DENND4A: variants seen among roughly 807,000 people sequenced by gnomAD.
DENND4A encodes C-myc promoter-binding protein.
In DENND4A, 70 loss-of-function variants were observed where a neutral mutation model predicts 199.3. The observed-to-expected ratio is 0.35, with a 90% CI of 0.29 to 0.43. The LOEUF is 0.43. Ranked by LOEUF, DENND4A falls within the 20% of genes least tolerant of loss-of-function variation. The pLI is 1.00. For missense variants in DENND4A, 1,723 were observed against 2,255.8 expected (o/e 0.76, Z 4.78); for synonymous variants, 686 against 766.9 (o/e 0.89, Z 1.74).
At chr15:65,790,227 C>A (rs910422470) in intron 1 of DENND4A, among the ~76,000 whole-genome samples, 1 of 152,140 alleles carries the variant, frequency 6.6e-6, no homozygotes. Context: ...ACTCTTTAAA[C>A]CAGTGGTAAT....
intron 1 of DENND4A, among the ~76,000 whole-genome samples, chr15:65,782,638 A>G (rs1389458529): frequency 1.3e-5 from 2 of 152,132 alleles, no homozygotes; most frequent in African/African-American, 4.8e-5. Flanking sequence ...ATACACACAT[A>G]CACATACCCT....
At chr15:65,684,887 C>T (rs1212985557) in intron 23 of DENND4A, among the ~76,000 whole-genome samples, 3 of 147,402 alleles carry the variant, frequency 2.0e-5, no homozygotes, top group East Asian at 2.0e-4. Flanking sequence ...TGCAATGGCG[C>T]GATCTTGGCT....
chr15:65,669,308 G>C (rs1388246299), intron 27 of DENND4A, among the ~76,000 whole-genome samples: 1 of 152,190 alleles, frequency 6.6e-6, no homozygotes, highest in Non-Finnish European at 1.5e-5. Context: ...AGTTTTAAGT[G>C]TAGATTTACT....
At chr15:65,662,847 G>A (rs1028376678) in intron 32 of DENND4A, among the ~76,000 whole-genome samples, 8 of 152,170 alleles carry the variant, frequency 5.3e-5, no homozygotes, top group Non-Finnish European at 1.0e-4. Context: ...GTTGAGTCAA[G>A]TGCATGAGCA....
intron 29 of DENND4A, among the ~76,000 whole-genome samples, chr15:65,665,763 G>C (rs986114717): frequency 3.3e-5 from 5 of 152,110 alleles, no homozygotes; most frequent in Non-Finnish European, 7.4e-5. Context: ...AAATCCAGGA[G>C]TCCCATCCTA....
chr15:65,710,515 G>C (rs2142307771), intron 14 of DENND4A, among the ~76,000 whole-genome samples: 1 of 152,138 alleles, frequency 6.6e-6, no homozygotes, highest in Admixed American at 6.5e-5. Context: ...ACAACCAATG[G>C]AAGCCCAGCA....
In DENND4A at chr15:65,701,699, C is replaced by A. The variant is rs957341453; in HGVS notation, c.2559+63G>T. The A allele has an allele frequency of 2.3e-5, 34 of 1,458,530 alleles. No homozygotes were observed. In the African/African-American group the frequency reaches 4.1e-4, roughly 17 times the overall value. 90.3% of individuals were successfully genotyped at this position (1,458,530 alleles called of 1,614,324 possible). A position where few individuals can be genotyped will look rare whatever the true frequency, so the allele number is the denominator to read the frequency against. ...AAATAACCCCCTGCATAAATTATTT[C>A]TGCCATTAATGTTGCATAATGACAA... On this transcript the variant is annotated intron_variant, in intron 18 of 32. Transcript: ENST00000443035.
At chr15:65,791,739 T>C (rs1382479294) in intron 1 of DENND4A, among the ~76,000 whole-genome samples, 5 of 142,676 alleles carry the variant, frequency 3.5e-5, no homozygotes, top group Admixed American at 7.0e-5. Flanking sequence ...CAGGCCAGCC[T>C]GGAATAGAAA....
chr15:65,717,697 G>C, intron 13 of DENND4A, 81 bp downstream of exon 13: 1 of 1,204,174 alleles, frequency 8.3e-7, no homozygotes, highest in Non-Finnish European at 1.1e-6. Flanking sequence ...ATAAATATGA[G>C]CTATTAATAC....
rs781670556 is a variant in DENND4A at position 65,737,963 on chromosome 15, T to C, written c.802-18A>G. 7.1e-6 allele frequency: 11 copies of C among 1,552,098 alleles called. No homozygotes were observed. In the East Asian group the frequency reaches 1.9e-4, roughly 27 times the overall value. On this transcript the variant is annotated intron_variant, in intron 6 of 32. Transcript: ENST00000443035. Reference sequence around the variant, plus strand: ...CCATAAACCTGCAAAACAAGTAATATATCCAGTAAATATACTTTGTATCAT... The same window carrying C: ...CCATAAACCTGCAAAACAAGTAATACATCCAGTAAATATACTTTGTATCAT...
intron 24 of DENND4A, among the ~76,000 whole-genome samples, chr15:65,674,203 T>C (rs2076300452): frequency 6.6e-6 from 1 of 152,186 alleles, no homozygotes; most frequent in African/African-American, 2.4e-5. Flanking sequence ...AAATATTTGA[T>C]ATATATGATA....
At chr15:65,705,257 T>C (rs1232270694) in intron 15 of DENND4A, among the ~76,000 whole-genome samples, 2 of 152,176 alleles carry the variant, frequency 1.3e-5, no homozygotes, top group African/African-American at 4.8e-5. Context: ...AAAGATGTCA[T>C]TGAAAAATCC....
chr15:65,764,796 G>A (rs771298477), intron 1 of DENND4A, among the ~76,000 whole-genome samples: 3 of 151,830 alleles, frequency 2.0e-5, no homozygotes, highest in Non-Finnish European at 4.4e-5. Context: ...AACATAGTGA[G>A]ACCCCATCTG....
At chr15:65,791,329 T>A (rs1381746488) in intron 1 of DENND4A, among the ~76,000 whole-genome samples, 2 of 152,308 alleles carry the variant, frequency 1.3e-5, no homozygotes, top group African/African-American at 4.8e-5. Flanking sequence ...AGCACGATAA[T>A]GAAAAGCTGT....
In DENND4A at chr15:65,660,294, A is replaced by G; in HGVS notation, c.*1557T>C. The stretch of plus-strand genomic sequence containing the variant: ...TATTTCCCAGAGTTGGAAGCTGTGA[A>G]ATGTTTCAGCATGGTGCTATTCACT... On this transcript the variant is annotated 3_prime_UTR_variant, in exon 33 of 33. Coordinates refer to ENST00000443035, the MANE Select transcript of DENND4A (RefSeq NM_001320835.1). 1 of 1,535,336 alleles carries G rather than the reference A, an allele frequency of 6.5e-7. No homozygotes were observed. Among genetic ancestry groups the G allele is most frequent in the Non-Finnish European group, 8.7e-7 (1 of 1,146,592 alleles).
intron 23 of DENND4A, among the ~76,000 whole-genome samples, chr15:65,681,752 G>GA (rs1464566877): frequency 6.6e-6 from 1 of 151,802 alleles, no homozygotes; most frequent in Non-Finnish European, 1.5e-5. Flanking sequence ...ATTTTTTGTA[G>GA]AGACAGGGTT....
At chr15:65,688,800 A>C (rs1011058039) in intron 23 of DENND4A, among the ~76,000 whole-genome samples, 2 of 152,196 alleles carry the variant, frequency 1.3e-5, no homozygotes, top group Non-Finnish European at 1.5e-5. Flanking sequence ...GGAAATGATA[A>C]ACTCATTTCT....
chr15:65,733,472 T>A (rs1414812076), intron 7 of DENND4A, among the ~76,000 whole-genome samples: 1 of 152,148 alleles, frequency 6.6e-6, no homozygotes, highest in African/African-American at 2.4e-5. Context: ...TATTATTTTT[T>A]AAAAAACATT....
At chr15:65,697,023 G>T in intron 21 of DENND4A, 1 of 372,382 alleles carries the variant, frequency 2.7e-6, no homozygotes, top group Non-Finnish European at 4.8e-6. Flanking sequence ...TGTATTTTTG[G>T]AATTACGTAG....
Sources: allele counts gnomAD v4.1 joint callset (sites outside exome capture counted in the v4.1 genomes callset), GRCh38; gene constraint gnomAD v4.1.1; transcripts MANE v1.5; gene names NCBI Gene and HGNC (gene_info 2026-07-23, HGNC 2026-07-21).